ANGPT1: variants seen among roughly 807,000 people sequenced by gnomAD.
ANGPT1 encodes angiopoietin-1.
A neutral mutation model predicts 62.2 loss-of-function variants in ANGPT1; 17 were observed. That is an observed-to-expected ratio of 0.27 (90% CI 0.19 to 0.41). The LOEUF (loss-of-function observed/expected upper bound fraction) is 0.41. ANGPT1 is among the 10% of genes least tolerant of loss of function. The pLI is 1.00. For missense variants in ANGPT1, 478 were observed against 594.9 expected, an observed-to-expected ratio of 0.80 and a Z score of 2.04; for synonymous variants, 199 against 198.9, an observed-to-expected ratio of 1.00 and a Z score of 0.00.
intron 1 of ANGPT1, among the ~76,000 whole-genome samples, chr8:107,480,709 A>C (rs1324087882): frequency 6.6e-6 from 1 of 152,210 alleles, no homozygotes; most frequent in African/African-American, 2.4e-5. Flanking sequence ...ACTCAACTTC[A>C]TGGGTACAAA....
chr8:107,314,039 A>G (rs1387468149), intron 4 of ANGPT1, among the ~76,000 whole-genome samples: 1 of 152,184 alleles, frequency 6.6e-6, no homozygotes, highest in East Asian at 1.9e-4. Context: ...TCCGTGACTA[A>G]TGTCTACTGT....
In ANGPT1 at chr8:107,373,910, C is replaced by A. The variant is rs573663014; in HGVS notation, c.298-26813G>T. Among the ~76,000 whole-genome samples, 98 of 152,286 alleles carry A rather than the reference C, an allele frequency of 6.4e-4. 1 individual carries two copies. The highest frequency in any genetic ancestry group is 7.4e-5 in the Non-Finnish European group (5 of 68,020). On this transcript the variant is annotated intron_variant, in intron 1 of 8. Transcript: ENST00000517746. ...AAATGACTTAGTTAAGAAGAAGAGTCTTGGAAAGATACTGCCTATGCTAGC... is the reference window on the plus strand; with the variant it reads ...AAATGACTTAGTTAAGAAGAAGAGTATTGGAAAGATACTGCCTATGCTAGC...
At chr8:107,341,951 C>A (rs1023919563) in intron 2 of ANGPT1, among the ~76,000 whole-genome samples, 10 of 152,084 alleles carry the variant, frequency 6.6e-5, no homozygotes, top group African/African-American at 2.4e-4. Context: ...ATGAGGTGCT[C>A]TGCTTGTTGC....
intron 1 of ANGPT1, among the ~76,000 whole-genome samples, chr8:107,459,026 G>T (rs546228420): frequency 6.6e-6 from 1 of 151,972 alleles, no homozygotes; most frequent in Non-Finnish European, 1.5e-5. Context: ...GCATCGTCCC[G>T]CAACTTTCTA....
chr8:107,429,311 G>A (rs1586314951), intron 1 of ANGPT1, among the ~76,000 whole-genome samples: 1 of 152,140 alleles, frequency 6.6e-6, no homozygotes, highest in Admixed American at 6.6e-5. Context: ...AGTGAAACCC[G>A]GACTTCCCGG....
chr8:107,474,866 T>C (rs201835449), intron 1 of ANGPT1, among the ~76,000 whole-genome samples: 1 of 152,036 alleles, frequency 6.6e-6, no homozygotes, highest in Non-Finnish European at 1.5e-5. Flanking sequence ...ACCTAGGAAT[T>C]CAACTTACAA....
chr8:107,471,927 AC>A (rs1812368562), intron 1 of ANGPT1, among the ~76,000 whole-genome samples: 1 of 152,026 alleles, frequency 6.6e-6, no homozygotes, highest in African/African-American at 2.4e-5. Context: ...TAATAGCTAT[AC>A]TTTTCAGATT....
chr8:107,259,191 CAG>C (rs918323913), intron 8 of ANGPT1, among the ~76,000 whole-genome samples: 14 of 152,134 alleles, frequency 9.2e-5, no homozygotes, highest in Non-Finnish European at 1.6e-4. Flanking sequence ...TACCTTGAAA[CAG>C]AGAATTTTAG....
At chr8:107,487,408 C>A (rs1476524649) in intron 1 of ANGPT1, among the ~76,000 whole-genome samples, 1 of 151,964 alleles carries the variant, frequency 6.6e-6, no homozygotes. Flanking sequence ...TTGAAAAAAG[C>A]AAACCATTTG....
At chr8:107,449,000 A>G (rs1016203937) in intron 1 of ANGPT1, among the ~76,000 whole-genome samples, 2 of 152,120 alleles carry the variant, frequency 1.3e-5, no homozygotes, top group African/African-American at 4.8e-5. Context: ...GAGTGATGGC[A>G]GAGGACATAG....
intron 4 of ANGPT1, among the ~76,000 whole-genome samples, chr8:107,317,404 G>C (rs1361328361): frequency 1.3e-5 from 2 of 152,278 alleles, no homozygotes; most frequent in East Asian, 3.9e-4. Flanking sequence ...CAGCAGAAAT[G>C]AGCTTCGAGC....
In ANGPT1 at chr8:107,269,289, G is replaced by A. The variant is rs141963186; in HGVS notation, c.1206-4938C>T. On this transcript the variant is annotated intron_variant, in intron 7 of 8. Coordinates refer to ENST00000517746, the MANE Select transcript of ANGPT1 (RefSeq NM_001146.5). The stretch of plus-strand genomic sequence containing the variant: ...AATTAAGGACCAGTCACTCATTAGT[G>A]CCAAGTATTTCTGTAATTAGATTTA... 1.8e-3 allele frequency among the ~76,000 whole-genome samples: 275 copies of A among 151,780 alleles called. 1 individual carries two copies. Among genetic ancestry groups the A allele is most frequent in the South Asian group, 3.9e-3 (19 of 4,822 alleles).
intron 1 of ANGPT1, among the ~76,000 whole-genome samples, chr8:107,386,110 G>A (rs1227625037): frequency 6.6e-6 from 1 of 152,002 alleles, no homozygotes; most frequent in Non-Finnish European, 1.5e-5. Context: ...GGATGGAGCT[G>A]GAAGCCATTA....
chr8:107,257,039 T>A (rs1339689904), intron 8 of ANGPT1, among the ~76,000 whole-genome samples: 6 of 152,166 alleles, frequency 3.9e-5, no homozygotes, highest in Admixed American at 6.5e-5. Flanking sequence ...GTATTTTTTT[T>A]AGTAGAGGTG....
chr8:107,385,806 C>G (rs770005078), intron 1 of ANGPT1, among the ~76,000 whole-genome samples: 4 of 152,022 alleles, frequency 2.6e-5, no homozygotes, highest in Non-Finnish European at 5.9e-5. Context: ...TATGTACCTT[C>G]GATGCCTAGC....
At chr8:107,399,926 A>G (rs1165633410) in intron 1 of ANGPT1, among the ~76,000 whole-genome samples, 3 of 152,150 alleles carry the variant, frequency 2.0e-5, no homozygotes, top group African/African-American at 7.2e-5. Flanking sequence ...GCATTACAGG[A>G]GAGTTCAGCA....
intron 1 of ANGPT1, chr8:107,495,114 G>A (rs572217758): frequency 6.6e-6 from 1 of 152,222 alleles, no homozygotes; most frequent in South Asian, 2.1e-4. Context: ...CTAATTAAGG[G>A]AAACTTATGA....
At chr8:107,490,727 C>T (rs1192065867) in intron 1 of ANGPT1, among the ~76,000 whole-genome samples, 1 of 152,226 alleles carries the variant, frequency 6.6e-6, no homozygotes, top group African/African-American at 2.4e-5. Flanking sequence ...TGCAACTCCT[C>T]AATTCTGCTT....
intron 3 of ANGPT1, among the ~76,000 whole-genome samples, chr8:107,334,554 A>G (rs1460596176): frequency 6.8e-6 from 1 of 146,856 alleles, no homozygotes; most frequent in African/African-American, 2.6e-5. Flanking sequence ...TCCTTATGCT[A>G]TAATAAACGT....
Sources: allele counts gnomAD v4.1 joint callset (sites outside exome capture counted in the v4.1 genomes callset), GRCh38; gene constraint gnomAD v4.1.1; transcripts MANE v1.5; gene names NCBI Gene and HGNC (gene_info 2026-07-23, HGNC 2026-07-21).